Variants in VPS50 observed in about 807,000 individuals in gnomAD.
VPS50 encodes VPS50 subunit of EARP/GARPII complex.
Under a neutral mutation model 139.7 loss-of-function variants are expected in VPS50, and 70 were observed. That is an observed-to-expected ratio of 0.50 (90% CI 0.41 to 0.61). VPS50 has a LOEUF of 0.61. VPS50 is among the 20% of genes least tolerant of loss of function. The pLI, the probability that VPS50 is intolerant of heterozygous loss-of-function variation, is 0.00. For missense variants in VPS50, 921 were observed against 1,133.7 expected (o/e 0.81, Z 2.69); for synonymous variants, 365 against 376.7 (o/e 0.97, Z 0.36).
intron 26 of VPS50, 55 bp from the exon 27 acceptor site, chr7:93,355,835 GT>G: frequency 9.1e-7 from 1 of 1,102,516 alleles, no homozygotes; most frequent in Non-Finnish European, 1.3e-6. Flanking sequence ...ATACCTGACA[GT>G]TTTTTGTTTC....
intron 22 of VPS50, among the ~76,000 whole-genome samples, chr7:93,336,561 TG>T (rs2117051023): frequency 6.6e-6 from 1 of 152,346 alleles, no homozygotes; most frequent in African/African-American, 2.4e-5. Context: ...TCACCCAGGC[TG>T]GAGTGCAGTG....
intron 21 of VPS50, among the ~76,000 whole-genome samples, chr7:93,327,906 G>T (rs1285649865): frequency 7.2e-5 from 11 of 152,166 alleles, no homozygotes; most frequent in African/African-American, 2.7e-4. Context: ...AGAAGAAAGG[G>T]ACTTGTGTGA....
At chr7:93,296,679 G>A in intron 14 of VPS50, 63 bp from the exon 15 acceptor site, 2 of 1,559,520 alleles carry the variant, frequency 1.3e-6, no homozygotes, top group Non-Finnish European at 8.6e-7. Flanking sequence ...TAGAGTAAAT[G>A]CTTCTGATAA....
intron 9 of VPS50, among the ~76,000 whole-genome samples, chr7:93,261,198 TGTTATATA>T (rs1162455333): frequency 1.3e-5 from 2 of 152,240 alleles, no homozygotes; most frequent in African/African-American, 4.8e-5. Context: ...GTGATAAATC[TGTTATATA>T]GTAACAGCTT....
At chr7:93,261,814 G>A (rs77647440) in intron 9 of VPS50, among the ~76,000 whole-genome samples, 9,795 of 152,218 alleles carry the variant, frequency 0.064, 366 homozygotes, top group East Asian at 0.18. Flanking sequence ...AAGACTTGAG[G>A]TAGGCCAGGA....
At chr7:93,331,511 G>T (rs1355188511) in intron 21 of VPS50, among the ~76,000 whole-genome samples, 1 of 151,796 alleles carries the variant, frequency 6.6e-6, no homozygotes, top group Non-Finnish European at 1.5e-5. Flanking sequence ...TTAGCAAGTG[G>T]TGTGGGTACA....
At chr7:93,335,797 G>C (rs778638874) in intron 22 of VPS50, among the ~76,000 whole-genome samples, 8 of 151,974 alleles carry the variant, frequency 5.3e-5, no homozygotes, top group Non-Finnish European at 2.9e-5. Context: ...TTTACCACTA[G>C]GGCCATTCAC....
At chr7:93,346,379 A>C (rs1248602603) in intron 23 of VPS50, among the ~76,000 whole-genome samples, 1 of 152,158 alleles carries the variant, frequency 6.6e-6, no homozygotes, top group Non-Finnish European at 1.5e-5. Context: ...GAATCAATAT[A>C]ATGAAAATGG....
At chr7:93,240,010 C>A in intron 2 of VPS50, 76 bp downstream of exon 2, 1 of 875,436 alleles carries the variant, frequency 1.1e-6, no homozygotes, top group South Asian at 1.4e-5. Flanking sequence ...GTAATTGATT[C>A]ACAGAAGCTT....
chr7:93,305,418 T>G (rs1255882728), intron 17 of VPS50, among the ~76,000 whole-genome samples: 3 of 151,966 alleles, frequency 2.0e-5, no homozygotes, highest in Non-Finnish European at 4.4e-5. Context: ...ACAGAATATC[T>G]TAAGTGGTGC....
In VPS50 at chr7:93,291,717, C is replaced by A; in HGVS notation, c.957C>A (p.Asp319Glu). The stretch of plus-strand genomic sequence containing the variant: ...ATTTTCTTTAGCATGTTACACCAGA[C>A]AGCTATATTCCATGCCTTGCAGACC... ...YKDLCTHVTP[D>E]SYIPCLADLC... The change falls in exon 13 of 28, where the codon GAC becomes GAA. Residue 319 changes from aspartate (D) to glutamate (E), a missense_variant. Physicochemically the swap from Asp to Glu is conservative, Grantham distance 45. This residue lies in a region of VPS50 where 744 missense variants were observed against 930.6 expected (regional missense o/e 0.80). Coordinates refer to ENST00000305866, the MANE Select transcript of VPS50 (RefSeq NM_017667.4). 1 of 1,536,914 alleles carries A rather than the reference C, an allele frequency of 6.5e-7. No homozygotes were observed. Among genetic ancestry groups the A allele is most frequent in the Admixed American group, 2.0e-5 (1 of 49,744 alleles).
At chr7:93,320,423 C>T (rs886545986) in intron 20 of VPS50, 4 of 152,488 alleles carry the variant, frequency 2.6e-5, no homozygotes, top group African/African-American at 7.3e-5. Context: ...GGCGCATCTC[C>T]ACTCACTGCA....
chr7:93,348,863 ATTAT>A (rs1329007997), intron 24 of VPS50, 56 bp downstream of exon 24: 1 of 1,179,200 alleles, frequency 8.5e-7, no homozygotes, highest in Admixed American at 2.0e-5. Context: ...ACTGTCACAG[ATTAT>A]TTAGATTTTT....
chr7:93,258,856 T>A (rs145909063), intron 8 of VPS50, among the ~76,000 whole-genome samples: 1 of 152,202 alleles, frequency 6.6e-6, no homozygotes, highest in Non-Finnish European at 1.5e-5. Flanking sequence ...TATGTGTGTC[T>A]CCTCATAATA....
chr7:93,335,583 T>C (rs1435537516), intron 22 of VPS50, among the ~76,000 whole-genome samples: 4 of 152,198 alleles, frequency 2.6e-5, no homozygotes, highest in Non-Finnish European at 4.4e-5. Flanking sequence ...TTTCTCTTTT[T>C]TCTTTTCTTT....
chr7:93,278,781 T>A (rs1266294464), intron 12 of VPS50, among the ~76,000 whole-genome samples: 1 of 143,944 alleles, frequency 6.9e-6, no homozygotes, highest in South Asian at 2.2e-4. Context: ...TGATAGTAGG[T>A]GATATATATA....
At chr7:93,247,806 T>C (rs551455491) in intron 2 of VPS50, among the ~76,000 whole-genome samples, 24 of 152,178 alleles carry the variant, frequency 1.6e-4, no homozygotes, top group African/African-American at 5.5e-4. Context: ...GCTTTGAAAG[T>C]AGGCAGGTTA....
At chr7:93,326,386 A>G (rs1238857380) in intron 21 of VPS50, among the ~76,000 whole-genome samples, 1 of 150,770 alleles carries the variant, frequency 6.6e-6, no homozygotes, top group East Asian at 2.0e-4. Context: ...AGCATGGCAC[A>G]TGTATACATA....
chr7:93,319,470 T>TC (rs1797535733), intron 20 of VPS50, among the ~76,000 whole-genome samples: 1 of 151,712 alleles, frequency 6.6e-6, no homozygotes, highest in Non-Finnish European at 1.5e-5. Context: ...GAAAATGTCT[T>TC]TTTTTTTTCT....
Sources: gnomAD v4.1 joint callset for allele counts (sites outside exome capture counted in the v4.1 genomes callset) on GRCh38, gnomAD v4.1.1 for gene constraint, gnomAD v4.1.1 regional missense constraint, MANE v1.5 for transcripts, NCBI Gene and HGNC (gene_info 2026-07-23, HGNC 2026-07-21) for gene names.